The following RNLS variants were observed in gnomAD, a reference collection of about 807,000 sequenced individuals.
The protein encoded by RNLS is renalase, FAD dependent amine oxidase, also known as renalase.
Under a neutral mutation model 39.8 loss-of-function variants are expected in RNLS, and 39 were observed. The ratio of observed to expected loss-of-function variants is 0.98; its 90% CI spans 0.76 to 1.28. The LOEUF is 1.28. RNLS is among the 50% of genes most tolerant of loss of function. The pLI is 0.00. For missense variants in RNLS, 410 were observed against 413.3 expected (o/e 0.99, Z 0.07); for synonymous variants, 147 against 150.7 (o/e 0.98, Z 0.18).
rs557659454 is a variant in RNLS, at chr10:88,300,505, T to G, written c.876+13961A>C. Among the ~76,000 whole-genome samples the G allele has an allele frequency of 2.3e-4, 35 of 152,330 alleles. 1 individual carries two copies. Among genetic ancestry groups the G allele is most frequent in the African/African-American group, 8.2e-4 (34 of 41,590 alleles). The stretch of plus-strand genomic sequence containing the variant: ...TCCAACATCACTAACTTTACCTGTC[T>G]CCCTCATTTTGAAGGATTTAGCTCA... On this transcript the variant is annotated intron_variant, in intron 6 of 6. Coordinates refer to ENST00000331772, the MANE Select transcript of RNLS (RefSeq NM_001031709.3).
At chr10:88,380,546 T>TA (rs886171928) in intron 4 of RNLS, among the ~76,000 whole-genome samples, 6 of 151,368 alleles carry the variant, frequency 4.0e-5, no homozygotes, top group African/African-American at 1.5e-4. Context: ...CAGCTAATTT[T>TA]TTTTTTTTTT....
At chr10:88,464,684 G>C (rs1843107774) in intron 4 of RNLS, among the ~76,000 whole-genome samples, 1 of 151,956 alleles carries the variant, frequency 6.6e-6, no homozygotes, top group South Asian at 2.1e-4. Flanking sequence ...AACCTCTGTG[G>C]TAACGGCTTA....
chr10:88,564,713 A>G (rs1456428842), intron 4 of RNLS, among the ~76,000 whole-genome samples: 1 of 152,232 alleles, frequency 6.6e-6, no homozygotes, highest in African/African-American at 2.4e-5. Context: ...TTGTAATAAG[A>G]ATATAGAGAA....
In RNLS at chr10:88,285,076, G is replaced by T; in HGVS notation, c.*278C>A. The T allele has an allele frequency of 9.8e-7, 1 of 1,017,576 alleles. No individual in the cohort carries two copies. The highest frequency in any genetic ancestry group is 1.2e-6 in the Non-Finnish European group (1 of 849,986). The allele number at this position is 1,017,576 out of a possible 1,614,324, so 63.0% of individuals were successfully genotyped here. ...TTAATGTAATTTTTTTGAGAGAGTC[G>T]TTTGTTATTTTTTAAGTACCACTTT... On this transcript the variant is annotated 3_prime_UTR_variant, in exon 7 of 7. Transcript: ENST00000331772.
intron 5 of RNLS, among the ~76,000 whole-genome samples, chr10:88,321,338 C>T (rs1846167812): frequency 6.6e-6 from 1 of 152,092 alleles, no homozygotes; most frequent in Non-Finnish European, 1.5e-5. Context: ...TAAATGTTTA[C>T]ATCAAAAAGA....
downstream of RNLS, among the ~76,000 whole-genome samples, chr10:88,281,018 T>C (rs532670838): frequency 2.0e-5 from 3 of 152,312 alleles, no homozygotes; most frequent in East Asian, 5.8e-4. Context: ...AATTACTGTC[T>C]ATTGAGAAGG....
At chr10:88,356,423 T>C (rs1042250487) in intron 5 of RNLS, among the ~76,000 whole-genome samples, 1 of 152,218 alleles carries the variant, frequency 6.6e-6, no homozygotes, top group Non-Finnish European at 1.5e-5. Context: ...ATTTGTTTAA[T>C]TGGAATAATC....
At chr10:88,533,670 T>C (rs920305231) in intron 4 of RNLS, among the ~76,000 whole-genome samples, 4 of 152,068 alleles carry the variant, frequency 2.6e-5, no homozygotes, top group African/African-American at 9.7e-5. Context: ...AGGGCTTCTA[T>C]AGAAGTGCAG....
chr10:88,380,152 T>A (rs1476646323), intron 4 of RNLS, among the ~76,000 whole-genome samples: 2 of 152,172 alleles, frequency 1.3e-5, no homozygotes, highest in Non-Finnish European at 2.9e-5. Context: ...TGCTTATTGA[T>A]CATTTGCATT....
chr10:88,533,882 A>T (rs890173456), intron 4 of RNLS, among the ~76,000 whole-genome samples: 1 of 152,134 alleles, frequency 6.6e-6, no homozygotes, highest in African/African-American at 2.4e-5. Context: ...AAGATTTGAA[A>T]TCTTCAGCAC....
At chr10:88,355,995 C>T (rs927362805) in intron 5 of RNLS, among the ~76,000 whole-genome samples, 22 of 152,334 alleles carry the variant, frequency 1.4e-4, no homozygotes, top group Admixed American at 9.8e-4. Context: ...AGCAAGGCTC[C>T]GTGGGCATGG....
At chr10:88,425,397 A>T (rs1008020931) in intron 4 of RNLS, among the ~76,000 whole-genome samples, 13 of 152,162 alleles carry the variant, frequency 8.5e-5, no homozygotes, top group Non-Finnish European at 1.2e-4. Context: ...TAAAGCAAAA[A>T]GTCAAAAGGA....
intron 4 of RNLS, among the ~76,000 whole-genome samples, chr10:88,431,918 T>C (rs1244081158): frequency 1.3e-5 from 2 of 151,800 alleles, no homozygotes. Flanking sequence ...TCATGTACAT[T>C]TGAAAGGAAT....
At chr10:88,390,092 G>A (rs901109842) in intron 4 of RNLS, among the ~76,000 whole-genome samples, 1 of 152,240 alleles carries the variant, frequency 6.6e-6, no homozygotes, top group African/African-American at 2.4e-5. Context: ...TAGGACTTTT[G>A]TAATTAGGCT....
At chr10:88,402,688 A>G (rs965681731) in intron 4 of RNLS, among the ~76,000 whole-genome samples, 1 of 152,008 alleles carries the variant, frequency 6.6e-6, no homozygotes, top group Non-Finnish European at 1.5e-5. Context: ...AAGTAAAAAG[A>G]TGACATTCTA....
chr10:88,221,110 G>C, the RNLS span, among the ~76,000 whole-genome samples: 1 of 152,156 alleles, frequency 6.6e-6, no homozygotes, highest in Non-Finnish European at 1.5e-5. Flanking sequence ...TACTTGGCAT[G>C]CCCTCCTTTC....
intron 3 of RNLS, among the ~76,000 whole-genome samples, chr10:88,575,627 A>T (rs1223317436): frequency 2.0e-5 from 3 of 152,080 alleles, no homozygotes; most frequent in African/African-American, 7.2e-5. Context: ...GGAAAGTGGC[A>T]TTTCCTTGTG....
At chr10:88,188,955 G>A in the RNLS span, among the ~76,000 whole-genome samples, 3 of 152,144 alleles carry the variant, frequency 2.0e-5, no homozygotes, top group African/African-American at 7.2e-5. Flanking sequence ...GATGTCAATT[G>A]AAACATCCCT....
intron 4 of RNLS, among the ~76,000 whole-genome samples, chr10:88,537,451 C>T (rs1251450056): frequency 1.3e-5 from 2 of 152,110 alleles, no homozygotes; most frequent in Non-Finnish European, 2.9e-5. Flanking sequence ...TGGAAAACTA[C>T]CCAAATGCCC....
Sources: gnomAD v4.1 joint callset for allele counts (sites outside exome capture counted in the v4.1 genomes callset) on GRCh38, gnomAD v4.1.1 for gene constraint, MANE v1.5 for transcripts, NCBI Gene and HGNC (gene_info 2026-07-23, HGNC 2026-07-21) for gene names.